TCOF1: variants seen among roughly 807,000 people sequenced by gnomAD.
TCOF1 encodes the protein treacle ribosome biogenesis factor 1.
A neutral mutation model predicts 149.0 loss-of-function variants in TCOF1; 33 were observed. The ratio of observed to expected loss-of-function variants is 0.22; its 90% CI spans 0.17 to 0.30. TCOF1 has a LOEUF of 0.30. Among genes scored for constraint, TCOF1 ranks in the 10% least tolerant of loss-of-function variants. The pLI is 1.00. For missense variants in TCOF1, 1,728 were observed against 1,840.7 expected, an observed-to-expected ratio of 0.94 and a Z score of 1.12; for synonymous variants, 789 against 738.8, an observed-to-expected ratio of 1.07 and a Z score of -1.10.
At chr5:150,387,574 G>A (rs767064064) in intron 17 of TCOF1, among the ~76,000 whole-genome samples, 2 of 152,238 alleles carry the variant, frequency 1.3e-5, no homozygotes, top group African/African-American at 2.4e-5. Flanking sequence ...CCGTGGCTTT[G>A]CTTCCAGTAG....
chr5:150,396,384 T>A lies in TCOF1; in HGVS notation c.3887T>A (p.Ile1296Asn), dbSNP rs756478841. ...QASTLALQSN[I>N]TQCLLGQPWP... Reference sequence around the variant, plus strand: ...TCAACCCTGGCGCTGCAAAGCAACATCACCCAGTGCCTCCTGGGCCAACCC... The same window carrying A: ...TCAACCCTGGCGCTGCAAAGCAACAACACCCAGTGCCTCCTGGGCCAACCC... Residue 1296 changes from isoleucine (I) to asparagine (N), a missense_variant, in exon 24 of 27, where the codon ATC (isoleucine) becomes AAC (asparagine). Coordinates refer to ENST00000643257, the MANE Select transcript of TCOF1 (RefSeq NM_001371623.1). The A allele has an allele frequency of 6.2e-7, 1 of 1,613,912 alleles. No homozygotes were observed. The highest frequency in any genetic ancestry group is 8.5e-7 in the Non-Finnish European group (1 of 1,180,016).
chr5:150,385,351 T>A (rs934578535), intron 17 of TCOF1, among the ~76,000 whole-genome samples: 5 of 152,196 alleles, frequency 3.3e-5, no homozygotes, highest in African/African-American at 1.2e-4. Context: ...AGAACTAACT[T>A]CTAATCCTGG....
intron 6 of TCOF1, among the ~76,000 whole-genome samples, chr5:150,370,872 CAG>C (rs1762391482): frequency 1.3e-5 from 2 of 152,152 alleles, no homozygotes; most frequent in African/African-American, 4.8e-5. Context: ...CCTAGGTAGA[CAG>C]GGGCCAGATC....
At chr5:150,392,629 C>A in intron 21 of TCOF1, 76 bp from the exon 22 acceptor site, 2 of 1,465,772 alleles carry the variant, frequency 1.4e-6, no homozygotes, top group Admixed American at 1.7e-5. Flanking sequence ...GAGACCAGGG[C>A]CTTCCTGAAG....
chr5:150,383,049 C>T (rs1012162651), intron 17 of TCOF1: 3 of 1,531,932 alleles, frequency 2.0e-6, no homozygotes, highest in East Asian at 4.9e-5. Flanking sequence ...TTATCCAGGT[C>T]TTGTCCCCTC....
At chr5:150,396,869 C>G (rs771442222) in intron 24 of TCOF1, 27 bp downstream of exon 24, 1 of 1,570,800 alleles carries the variant, frequency 6.4e-7, no homozygotes, top group South Asian at 1.2e-5. Context: ...CCCAGCCCAC[C>G]CCAAGGGCTG....
chr5:150,390,725 C>T (rs1767249057), intron 19 of TCOF1, among the ~76,000 whole-genome samples: 1 of 152,068 alleles, frequency 6.6e-6, no homozygotes, highest in South Asian at 2.1e-4. Context: ...TCACAAGCTC[C>T]AGGTCAAAAA....
intron 20 of TCOF1, 117 bp downstream of exon 20, chr5:150,391,774 C>T: frequency 1.5e-5 from 18 of 1,236,798 alleles, no homozygotes; most frequent in Non-Finnish European, 2.1e-5. Context: ...GTTTGCCTCC[C>T]TCGGCCTCAG....
intron 7 of TCOF1, 99 bp from the exon 8 acceptor site, chr5:150,374,075 G>T (rs1325421088): frequency 5.3e-6 from 7 of 1,330,496 alleles, no homozygotes; most frequent in Non-Finnish European, 7.4e-6. Flanking sequence ...AGCAGGGGAG[G>T]TCTTAGGAGC....
Position 150,373,492 on chromosome 5 carries a change from T to C in TCOF1, c.871-682T>C, listed in dbSNP as rs573901661. 2.0e-5 allele frequency among the ~76,000 whole-genome samples: 3 copies of C among 152,312 alleles called. No homozygotes were observed. In the South Asian group the frequency reaches 6.2e-4, roughly 32 times the overall value. ...CAGAGCTGCTGTTTTCTAGGGTTGT[T>C]GGCCCAGGGCTGAACACCCAGGGCC... On this transcript the variant is annotated intron_variant, in intron 7 of 26. Transcript: ENST00000643257.
intron 3 of TCOF1, among the ~76,000 whole-genome samples, chr5:150,364,719 G>A (rs1006878991): frequency 5.3e-5 from 8 of 152,138 alleles, no homozygotes; most frequent in South Asian, 2.1e-4. Context: ...GTTTTACACC[G>A]TTTGCAGGAG....
At chr5:150,392,281 C>T in intron 21 of TCOF1, 105 bp downstream of exon 21, 1 of 1,185,474 alleles carries the variant, frequency 8.4e-7, no homozygotes, top group Non-Finnish European at 1.2e-6. Context: ...ACTCATTCTG[C>T]ACCTGTGGCT....
At chr5:150,388,140 A>G (rs1219832986) in intron 18 of TCOF1, 52 bp downstream of exon 18, 18 of 1,608,402 alleles carry the variant, frequency 1.1e-5, no homozygotes, top group Non-Finnish European at 1.4e-5. Flanking sequence ...ACTGCCCCAC[A>G]TTGAGGCCCA....
intron 20 of TCOF1, 64 bp from the exon 21 acceptor site, chr5:150,391,893 A>G: frequency 1.3e-6 from 2 of 1,523,404 alleles, no homozygotes; most frequent in East Asian, 2.3e-5. Context: ...TGAAGTGTTC[A>G]GGAAGGACCA....
At chr5:150,389,425 G>T (rs1039594531) in intron 18 of TCOF1, among the ~76,000 whole-genome samples, 1 of 152,328 alleles carries the variant, frequency 6.6e-6, no homozygotes, top group Non-Finnish European at 1.5e-5. Context: ...TGTGTAGCCA[G>T]CACCATGTTG....
chr5:150,381,382 C>A (rs371996447), intron 17 of TCOF1, among the ~76,000 whole-genome samples: 1 of 152,180 alleles, frequency 6.6e-6, no homozygotes, highest in Non-Finnish European at 1.5e-5. Flanking sequence ...GACAGGTGAC[C>A]GGATTATCGC....
chr5:150,368,671 T>G, intron 4 of TCOF1, 45 bp from the exon 5 acceptor site: 2 of 1,610,970 alleles, frequency 1.2e-6, no homozygotes, highest in Non-Finnish European at 1.7e-6. Flanking sequence ...TGCTCTTAGT[T>G]CACCATGCCA....
chr5:150,392,014 G>T lies in TCOF1; in HGVS notation c.3355G>T (p.Ala1119Ser), dbSNP rs537435135. 6 of 1,614,210 alleles carry T rather than the reference G, an allele frequency of 3.7e-6. No individual in the cohort carries two copies. In the African/African-American group the frequency reaches 8.0e-5, roughly 22 times the overall value. Residue 1119 changes from alanine to serine, a missense_variant, in exon 21 of 27, where the codon GCC becomes TCC. This residue lies in a region of TCOF1 where 1,696 missense variants were observed against 1,765.4 expected (regional missense o/e 0.96). Coordinates refer to ENST00000643257, the MANE Select transcript of TCOF1 (RefSeq NM_001371623.1). ...AAGTCCCCAGAGCACCTCCGTCCAGGCCAAAGGGACCAACAAGCTCAGAAA... is the reference window on the plus strand; with the variant it reads ...AAGTCCCCAGAGCACCTCCGTCCAGTCCAAAGGGACCAACAAGCTCAGAAA... Reference protein sequence around the residue: ...ATSPQSTSVQAKGTNKLRKPK... With the variant: ...ATSPQSTSVQSKGTNKLRKPK...
intron 12 of TCOF1, 62 bp downstream of exon 12, chr5:150,375,971 C>T (rs1434344238): frequency 1.1e-5 from 17 of 1,613,380 alleles, no homozygotes; most frequent in East Asian, 2.2e-5. Flanking sequence ...TCAGCACCCC[C>T]GGGGAGCTGT....
Sources: allele counts gnomAD v4.1 joint callset (sites outside exome capture counted in the v4.1 genomes callset), GRCh38; gene constraint gnomAD v4.1.1; regional missense constraint gnomAD v4.1.1; transcripts MANE v1.5; gene names NCBI Gene and HGNC (gene_info 2026-07-23, HGNC 2026-07-21).